Variants in CPQ observed in about 807,000 individuals in gnomAD.
CPQ encodes the protein carboxypeptidase Q.
A neutral mutation model predicts 45.7 loss-of-function variants in CPQ; 37 were observed. The ratio of observed to expected loss-of-function variants is 0.81; its 90% CI spans 0.62 to 1.07. The LOEUF is 1.07. CPQ is among the 50% of genes least tolerant of loss of function. The pLI is 0.00. For missense variants in CPQ, 537 were observed against 572.9 expected, an observed-to-expected ratio of 0.94 and a Z score of 0.64; for synonymous variants, 186 against 205.8, an observed-to-expected ratio of 0.90 and a Z score of 0.82.
chr8:96,746,506 C>T (rs1344482498), intron 1 of CPQ, among the ~76,000 whole-genome samples: 3 of 152,110 alleles, frequency 2.0e-5, no homozygotes, highest in Admixed American at 6.5e-5. Context: ...CAAGCTGGTC[C>T]CTCTGTAGAC....
chr8:97,136,242 A>G (rs1387383247), intron 7 of CPQ, among the ~76,000 whole-genome samples: 1 of 152,216 alleles, frequency 6.6e-6, no homozygotes, highest in African/African-American at 2.4e-5. Context: ...AATCCAAACC[A>G]GGGTCAAGGC....
At chr8:96,745,219 A>T (rs988394071) in intron 1 of CPQ, among the ~76,000 whole-genome samples, 2 of 152,064 alleles carry the variant, frequency 1.3e-5, no homozygotes, top group African/African-American at 4.8e-5. Context: ...GAGACAGGAG[A>T]ATCACTTGAA....
At chr8:97,065,628 G>A (rs780589921) in intron 6 of CPQ, among the ~76,000 whole-genome samples, 1 of 152,192 alleles carries the variant, frequency 6.6e-6, no homozygotes, top group Non-Finnish European at 1.5e-5. Context: ...TCTGAGCATG[G>A]CTAATACTAT....
At chr8:96,815,495 T>C (rs1811215912) in intron 2 of CPQ, among the ~76,000 whole-genome samples, 1 of 151,648 alleles carries the variant, frequency 6.6e-6, no homozygotes, top group South Asian at 2.1e-4. Context: ...CAGATCACAG[T>C]TGAGGGGGTT....
chr8:97,115,049 A>G (rs906261382), intron 7 of CPQ, among the ~76,000 whole-genome samples: 3 of 152,094 alleles, frequency 2.0e-5, no homozygotes, highest in African/African-American at 7.2e-5. Context: ...TTTCTTTTCT[A>G]CAACACAACT....
At chr8:96,919,781 T>G (rs1421025978) in intron 4 of CPQ, among the ~76,000 whole-genome samples, 4 of 152,172 alleles carry the variant, frequency 2.6e-5, no homozygotes. Context: ...TGCTGTGACT[T>G]TGGTGTGGCC....
At chr8:96,749,318 ACT>A (rs1327027266) in intron 1 of CPQ, among the ~76,000 whole-genome samples, 2 of 152,160 alleles carry the variant, frequency 1.3e-5, no homozygotes, top group African/African-American at 2.4e-5. Context: ...AAATAGTTTA[ACT>A]CTGTCAAAGA....
intron 4 of CPQ, among the ~76,000 whole-genome samples, chr8:96,904,633 AG>A (rs1180606423): frequency 6.6e-6 from 1 of 152,182 alleles, no homozygotes; most frequent in Non-Finnish European, 1.5e-5. Context: ...CTTTTTAAAA[AG>A]GGCCCATCTC....
chr8:97,138,276 C>T (rs1486767247), intron 7 of CPQ, among the ~76,000 whole-genome samples: 1 of 152,212 alleles, frequency 6.6e-6, no homozygotes, highest in Non-Finnish European at 1.5e-5. Context: ...TTCTGTTCAT[C>T]TGGAATACCT....
At chr8:96,980,166 T>A (rs1220536778) in intron 5 of CPQ, among the ~76,000 whole-genome samples, 1 of 152,186 alleles carries the variant, frequency 6.6e-6, no homozygotes, top group African/African-American at 2.4e-5. Flanking sequence ...AGAGTCTCGC[T>A]CTGTTGCCCA....
intron 5 of CPQ, among the ~76,000 whole-genome samples, chr8:97,006,875 A>T (rs1809393402): frequency 6.6e-6 from 1 of 152,168 alleles, no homozygotes; most frequent in Non-Finnish European, 1.5e-5. Context: ...ATTCTCCTGC[A>T]TGGAAGAGTT....
At chr8:96,700,968 G>A (rs1232594687) in intron 1 of CPQ, among the ~76,000 whole-genome samples, 2 of 152,196 alleles carry the variant, frequency 1.3e-5, no homozygotes, top group Admixed American at 6.5e-5. Context: ...ATAACTGAAA[G>A]TGATTGGAAT....
chr8:97,018,469 G>C (rs1334571531), intron 5 of CPQ, among the ~76,000 whole-genome samples: 1 of 152,082 alleles, frequency 6.6e-6, no homozygotes, highest in African/African-American at 2.4e-5. Flanking sequence ...ACAAAGCCCA[G>C]TGTAAGGAAA....
intron 5 of CPQ, among the ~76,000 whole-genome samples, chr8:96,983,561 A>G (rs1813944641): frequency 6.6e-6 from 1 of 152,286 alleles, no homozygotes; most frequent in South Asian, 2.1e-4. Context: ...TTTGCTGGGA[A>G]TAGAGTTCTA....
intron 7 of CPQ, among the ~76,000 whole-genome samples, chr8:97,136,763 C>T (rs1812066191): frequency 1.3e-5 from 2 of 152,198 alleles, no homozygotes; most frequent in South Asian, 2.1e-4. Flanking sequence ...GAATATTTGC[C>T]TTCAGAGCAG....
At chr8:96,681,038 G>A (rs1479313332) in intron 1 of CPQ, among the ~76,000 whole-genome samples, 1 of 152,128 alleles carries the variant, frequency 6.6e-6, no homozygotes, top group Non-Finnish European at 1.5e-5. Flanking sequence ...GCTGTTAAAG[G>A]CATTCAGTTT....
intron 6 of CPQ, among the ~76,000 whole-genome samples, chr8:97,050,021 T>C (rs1342526917): frequency 6.6e-6 from 1 of 152,200 alleles, no homozygotes; most frequent in Non-Finnish European, 1.5e-5. Context: ...CTGTAAGCCA[T>C]ATAGCTTCTC....
intron 3 of CPQ, among the ~76,000 whole-genome samples, chr8:96,877,535 C>T (rs1812162206): frequency 6.6e-6 from 1 of 152,158 alleles, no homozygotes; most frequent in African/African-American, 2.4e-5. Flanking sequence ...AGATTGTCTT[C>T]CTACATGTTG....
intron 1 of CPQ, among the ~76,000 whole-genome samples, chr8:96,672,433 G>A (rs1283969057): frequency 1.3e-5 from 2 of 152,076 alleles, no homozygotes; most frequent in African/African-American, 4.8e-5. Flanking sequence ...TGAGCCAAAT[G>A]GATAAATTAA....
Sources: gnomAD v4.1 joint callset for allele counts (sites outside exome capture counted in the v4.1 genomes callset) on GRCh38, gnomAD v4.1.1 for gene constraint, MANE v1.5 for transcripts, NCBI Gene and HGNC (gene_info 2026-07-23, HGNC 2026-07-21) for gene names.